PDLIM5: variants seen among roughly 807,000 people sequenced by gnomAD.
PDLIM5 encodes the protein PDZ and LIM domain 5.
Under a neutral mutation model 64.2 loss-of-function variants are expected in PDLIM5, and 34 were observed. That is an observed-to-expected ratio of 0.53 (90% CI 0.40 to 0.71). The LOEUF is 0.71. PDLIM5 is among the 30% of genes least tolerant of loss of function. PDLIM5 has a pLI of 0.00. For missense variants in PDLIM5, 683 were observed against 733.6 expected (o/e 0.93, Z 0.80); for synonymous variants, 253 against 269.1 (o/e 0.94, Z 0.59).
At chr4:94,536,126 G>A (rs57386022) in intron 3 of PDLIM5, among the ~76,000 whole-genome samples, 4,133 of 152,146 alleles carry the variant, frequency 0.027, 183 homozygotes, top group African/African-American at 0.093. Context: ...GAGTTGGGAC[G>A]CACAGACCAA....
At chr4:94,455,951 A>G (rs1431027862) in intron 2 of PDLIM5, 1 of 1,500,310 alleles carries the variant, frequency 6.7e-7, no homozygotes, top group African/African-American at 1.4e-5. Context: ...TTACCTCATT[A>G]TGGATTTAGT....
intron 2 of PDLIM5, among the ~76,000 whole-genome samples, chr4:94,483,428 C>T (rs1341524553): frequency 6.6e-6 from 1 of 152,068 alleles, no homozygotes. Flanking sequence ...TCTCATTTCC[C>T]TGATTGTCAT....
At chr4:94,563,634 G>A (rs943895888) in intron 3 of PDLIM5, among the ~76,000 whole-genome samples, 7 of 152,106 alleles carry the variant, frequency 4.6e-5, no homozygotes, top group Admixed American at 2.6e-4. Context: ...AATTTAACAC[G>A]TTTAGCCTGG....
intron 7 of PDLIM5, among the ~76,000 whole-genome samples, chr4:94,615,195 G>T (rs1258434364): frequency 6.6e-6 from 1 of 152,116 alleles, no homozygotes; most frequent in Non-Finnish European, 1.5e-5. Flanking sequence ...TTTACCCACA[G>T]TCACAGTAAA....
intron 2 of PDLIM5, among the ~76,000 whole-genome samples, chr4:94,458,654 A>C (rs1723593943): frequency 6.6e-6 from 1 of 152,124 alleles, no homozygotes; most frequent in South Asian, 2.1e-4. Context: ...CCTTTATAAC[A>C]CTGGAGCTCT....
chr4:94,641,972 T>C (rs1263713219), intron 9 of PDLIM5, among the ~76,000 whole-genome samples: 2 of 152,250 alleles, frequency 1.3e-5, no homozygotes, highest in African/African-American at 4.8e-5. Flanking sequence ...CTCTGTCTTA[T>C]AGAAATATTT....
chr4:94,655,397 T>C (rs1379487245), intron 10 of PDLIM5, among the ~76,000 whole-genome samples: 1 of 152,278 alleles, frequency 6.6e-6, no homozygotes, highest in East Asian at 1.9e-4. Context: ...AAATTGGACA[T>C]GGCCCTGCTG....
chr4:94,607,772 G>A lies in PDLIM5; in HGVS notation c.921-10232G>A, dbSNP rs563313780. On this transcript the variant is annotated intron_variant, in intron 7 of 12. Coordinates refer to ENST00000317968, the MANE Select transcript of PDLIM5 (RefSeq NM_006457.5). ...AGTTTTTTTAAAGCATTCAAAACACGTAGTCAGTGAATGGGAATTTCCACC... is the reference window on the plus strand; with the variant it reads ...AGTTTTTTTAAAGCATTCAAAACACATAGTCAGTGAATGGGAATTTCCACC... Among the ~76,000 whole-genome samples the A allele has an allele frequency of 1.9e-4, 29 of 152,124 alleles. No individual in the cohort carries two copies. The South Asian group carries it at 4.2e-3, about 22-fold the overall frequency.
chr4:94,530,072 G>A (rs1431804342), intron 3 of PDLIM5, among the ~76,000 whole-genome samples: 1 of 152,148 alleles, frequency 6.6e-6, no homozygotes, highest in African/African-American at 2.4e-5. Flanking sequence ...TCAGTAGTTA[G>A]CTACATAGTA....
intron 2 of PDLIM5, among the ~76,000 whole-genome samples, chr4:94,518,222 G>A (rs915759583): frequency 6.6e-6 from 1 of 152,096 alleles, no homozygotes; most frequent in Non-Finnish European, 1.5e-5. Context: ...GCCATAATGG[G>A]TTATAATTTT....
At chr4:94,648,344 G>C (rs1181849787) in intron 9 of PDLIM5, among the ~76,000 whole-genome samples, 1 of 151,888 alleles carries the variant, frequency 6.6e-6, no homozygotes, top group Non-Finnish European at 1.5e-5. Context: ...TTTTGAGACT[G>C]AGTCTCACTC....
intron 2 of PDLIM5, 92 bp downstream of exon 2, chr4:94,455,476 C>G (rs1723252875): frequency 3.6e-6 from 3 of 825,718 alleles, no homozygotes; most frequent in Non-Finnish European, 6.2e-6. Flanking sequence ...CTGTACTCTA[C>G]TTATTATCAT....
chr4:94,613,055 G>A (rs1738503726), intron 7 of PDLIM5, among the ~76,000 whole-genome samples: 1 of 151,776 alleles, frequency 6.6e-6, no homozygotes, highest in African/African-American at 2.4e-5. Flanking sequence ...ATTCTGGAAG[G>A]AAAGACACTC....
chr4:94,488,754 C>T (rs1726579548), intron 2 of PDLIM5, among the ~76,000 whole-genome samples: 1 of 152,166 alleles, frequency 6.6e-6, no homozygotes, highest in Admixed American at 6.5e-5. Flanking sequence ...TGCAGTTTAG[C>T]CTGAAGGTGT....
intron 2 of PDLIM5, among the ~76,000 whole-genome samples, chr4:94,469,960 A>ATTTTTTTTTTTTTT (rs34572366): frequency 2.8e-5 from 2 of 71,566 alleles, no homozygotes; most frequent in African/African-American, 1.2e-4. Flanking sequence ...CATTCTTTTA[A>ATTTTTTTTTTTTTT]TTTTTTTTTT....
intron 3 of PDLIM5, among the ~76,000 whole-genome samples, chr4:94,545,757 C>T (rs1193314071): frequency 2.0e-5 from 3 of 152,138 alleles, no homozygotes; most frequent in Non-Finnish European, 4.4e-5. Flanking sequence ...TAGTTGTTCT[C>T]TTATTGTTGT....
rs539545355 is a variant in PDLIM5 at position 94,542,845 on chromosome 4, CAA to C, written c.248+18973_248+18974del. Among the ~76,000 whole-genome samples, 446 of 152,126 alleles carry C rather than the reference CAA, an allele frequency of 2.9e-3. 3 individuals carry two copies. Among genetic ancestry groups the C allele is most frequent in the Non-Finnish European group, 4.9e-3 (334 of 67,966 alleles). On this transcript the variant is annotated intron_variant, in intron 3 of 12. Transcript: ENST00000317968. ...AAATAAATGAGAAAAATTATTAAAA[CAA>C]AATTGTTTCCTAAAAACAAAGTTTA...
intron 3 of PDLIM5, among the ~76,000 whole-genome samples, chr4:94,562,712 C>T (rs535900648): frequency 8.5e-5 from 13 of 152,220 alleles, no homozygotes; most frequent in African/African-American, 3.1e-4. Flanking sequence ...TAGGTCATTT[C>T]TTAATCTATT....
intron 11 of PDLIM5, among the ~76,000 whole-genome samples, chr4:94,659,619 C>G (rs1437318872): frequency 1.3e-5 from 2 of 151,596 alleles, no homozygotes; most frequent in East Asian, 3.9e-4. Context: ...GCTCTGCCTC[C>G]CGGGTTCATG....
Sources: gnomAD v4.1 joint callset for allele counts (sites outside exome capture counted in the v4.1 genomes callset) on GRCh38, gnomAD v4.1.1 for gene constraint, MANE v1.5 for transcripts, NCBI Gene and HGNC (gene_info 2026-07-23, HGNC 2026-07-21) for gene names.